Variants in CLVS1 observed in about 807,000 individuals in gnomAD.
The protein encoded by CLVS1 is clavesin 1.
Under a neutral mutation model 33.1 loss-of-function variants are expected in CLVS1, and 10 were observed. The observed-to-expected ratio is 0.30, with a 90% CI of 0.19 to 0.51. The LOEUF (loss-of-function observed/expected upper bound fraction) is 0.51. Ranked by LOEUF, CLVS1 falls within the 20% of genes least tolerant of loss-of-function variation. The pLI is 0.97. For missense variants in CLVS1, 343 were observed against 433.4 expected (o/e 0.79, Z 1.85); for synonymous variants, 163 against 166.1 (o/e 0.98, Z 0.14).
intron 2 of CLVS1, among the ~76,000 whole-genome samples, chr8:61,272,331 T>C (rs1809458892): frequency 6.6e-6 from 1 of 152,244 alleles, no homozygotes; most frequent in East Asian, 1.9e-4. Flanking sequence ...CCCCGCTCTC[T>C]TCTGGCTTGT....
chr8:61,494,275 T>TG lies in CLVS1; in HGVS notation c.978-5178dup, dbSNP rs146199128. 8.1e-4 allele frequency among the ~76,000 whole-genome samples: 123 copies of TG among 151,422 alleles called. No individual in the cohort carries two copies. In the East Asian group the frequency reaches 0.023, roughly 28 times the overall value. On this transcript the variant is annotated intron_variant, in intron 5 of 5. Coordinates refer to ENST00000325897, the MANE Select transcript of CLVS1 (RefSeq NM_173519.3). ...GAAAGGGGAAAGAGAGAAAGGGAGA[T>TG]GGTGAAGTAAGGGAGGGTAGAATAA...
intron 2 of CLVS1, among the ~76,000 whole-genome samples, chr8:61,223,266 A>G (rs181453507): frequency 2.9e-4 from 44 of 152,224 alleles, no homozygotes; most frequent in African/African-American, 7.9e-4. Flanking sequence ...CTGTTTCTTC[A>G]TAGTGTCATT....
At chr8:61,284,637 G>A (rs756018038), upstream of CLVS1, among the ~76,000 whole-genome samples, 4 of 152,092 alleles carry the variant, frequency 2.6e-5, no homozygotes, top group African/African-American at 4.8e-5. Flanking sequence ...AGAAAAGCCT[G>A]GTTATTAAAG....
At chr8:61,190,373 A>G (rs1382478604) in intron 2 of CLVS1, among the ~76,000 whole-genome samples, 1 of 152,338 alleles carries the variant, frequency 6.6e-6, no homozygotes, top group African/African-American at 2.4e-5. Flanking sequence ...CATTTAAAGC[A>G]GTGTGTAGAG....
intron 2 of CLVS1, among the ~76,000 whole-genome samples, chr8:61,196,982 T>C (rs1035300167): frequency 6.6e-6 from 1 of 152,116 alleles, no homozygotes; most frequent in African/African-American, 2.4e-5. Context: ...GAAGACACAG[T>C]GTTGGTTTCA....
chr8:61,222,697 T>C (rs970970388), intron 2 of CLVS1, among the ~76,000 whole-genome samples: 2 of 152,210 alleles, frequency 1.3e-5, no homozygotes, highest in Non-Finnish European at 2.9e-5. Flanking sequence ...TAGGTCCACT[T>C]GATGCAGAGT....
intron 3 of CLVS1, chr8:61,377,736 A>C (rs1813703907): frequency 6.6e-6 from 1 of 152,212 alleles, no homozygotes; most frequent in Non-Finnish European, 1.5e-5. Flanking sequence ...CCCAGCAAAT[A>C]TCTGGCACCT....
chr8:61,384,115 A>T (rs1357720430), intron 3 of CLVS1, among the ~76,000 whole-genome samples: 1 of 152,234 alleles, frequency 6.6e-6, no homozygotes, highest in African/African-American at 2.4e-5. Context: ...AAGATGCAAG[A>T]AGTGCTTACA....
At chr8:61,411,087 C>CTGT (rs1033895198) in intron 3 of CLVS1, among the ~76,000 whole-genome samples, 2 of 152,146 alleles carry the variant, frequency 1.3e-5, no homozygotes, top group Admixed American at 1.3e-4. Context: ...GCATTCTAGG[C>CTGT]TGTTGGATCC....
chr8:61,232,886 C>T (rs146440924), intron 2 of CLVS1, among the ~76,000 whole-genome samples: 1 of 152,208 alleles, frequency 6.6e-6, no homozygotes, highest in Non-Finnish European at 1.5e-5. Context: ...TTGAACATCT[C>T]TTTAACTCCT....
chr8:61,448,677 A>G (rs1285423023), intron 3 of CLVS1, among the ~76,000 whole-genome samples: 3 of 151,606 alleles, frequency 2.0e-5, no homozygotes, highest in African/African-American at 7.3e-5. Flanking sequence ...GGAGTCTGAG[A>G]CCAGCCTGGG....
upstream of CLVS1, among the ~76,000 whole-genome samples, chr8:61,052,726 G>A (rs140246619): frequency 5.2e-3 from 791 of 152,286 alleles, 6 homozygotes; most frequent in African/African-American, 0.018. Flanking sequence ...AGCAGGTGGC[G>A]TGGGGCTCTG....
the CLVS1 span, among the ~76,000 whole-genome samples, chr8:61,045,542 C>A: frequency 1.2e-4 from 18 of 152,322 alleles, no homozygotes; most frequent in Admixed American, 1.3e-4. Flanking sequence ...GTTGAATCAC[C>A]TTCTTGAGTA....
intron 1 of CLVS1, among the ~76,000 whole-genome samples, chr8:61,070,936 A>T (rs925766140): frequency 6.6e-6 from 1 of 152,176 alleles, no homozygotes; most frequent in African/African-American, 2.4e-5. Flanking sequence ...ATCTATGTAG[A>T]CAGTTTCTGT....
chr8:61,050,408 A>T, the CLVS1 span, among the ~76,000 whole-genome samples: 174 of 152,292 alleles, frequency 1.1e-3, no homozygotes, highest in Non-Finnish European at 2.1e-3. Context: ...TTTCTCTCAA[A>T]CACTGCATTC....
chr8:61,366,040 C>T (rs971632640), intron 2 of CLVS1, among the ~76,000 whole-genome samples: 3 of 152,162 alleles, frequency 2.0e-5, no homozygotes, highest in Non-Finnish European at 4.4e-5. Context: ...AAGGGATTTA[C>T]TAGAATAGAC....
At chr8:61,109,169 C>G (rs1374877977) in intron 1 of CLVS1, among the ~76,000 whole-genome samples, 1 of 152,090 alleles carries the variant, frequency 6.6e-6, no homozygotes, top group Non-Finnish European at 1.5e-5. Context: ...GGGTCATACT[C>G]GTATCCACAT....
chr8:61,257,188 A>G (rs576747730), intron 2 of CLVS1, among the ~76,000 whole-genome samples: 1 of 152,310 alleles, frequency 6.6e-6, no homozygotes, highest in Non-Finnish European at 1.5e-5. Context: ...TAGCAGCATC[A>G]CTTTCATTTT....
rs1167743712 is a variant in CLVS1, at chr8:61,357,494, C to CTTTTTTTTTT, written c.456-19092_456-19083dup. 9.3e-4 allele frequency among the ~76,000 whole-genome samples: 24 copies of CTTTTTTTTTT among 25,800 alleles called. 2 individuals are homozygous for CTTTTTTTTTT. The highest frequency in any genetic ancestry group is 1.2e-3 in the East Asian group (1 of 832). 16.9% of individuals were successfully genotyped at this position (25,800 alleles called of 152,430 possible). The stretch of plus-strand genomic sequence containing the variant: ...CTTCTTTTTCTTTCCTTTTTCTTTT[C>CTTTTTTTTTT]TTTTTTTTTTTTTTTTTTTTTTTTT... On this transcript the variant is annotated intron_variant, in intron 2 of 5. Transcript: ENST00000325897.
Sources: gnomAD v4.1 joint callset for allele counts (sites outside exome capture counted in the v4.1 genomes callset) on GRCh38, gnomAD v4.1.1 for gene constraint, MANE v1.5 for transcripts, NCBI Gene and HGNC (gene_info 2026-07-23, HGNC 2026-07-21) for gene names.